Variants in PRKG1 observed in about 807,000 individuals in gnomAD.
The protein encoded by PRKG1 is protein kinase cGMP-dependent 1.
In PRKG1, 35 loss-of-function variants were observed where a neutral mutation model predicts 88.1. The ratio of observed to expected loss-of-function variants is 0.40; its 90% confidence interval spans 0.30 to 0.53. The LOEUF is 0.53. PRKG1 is among the 20% of genes least tolerant of loss of function. The pLI is 0.59. For missense variants in PRKG1, 540 were observed against 839.8 expected (o/e 0.64, Z 4.41); for synonymous variants, 303 against 292.5 (o/e 1.04, Z -0.37).
intron 9 of PRKG1, among the ~76,000 whole-genome samples, chr10:52,168,356 T>G (rs189627966): frequency 1.5e-3 from 234 of 152,248 alleles, no homozygotes; most frequent in Middle Eastern, 3.4e-3. Flanking sequence ...ATGGAAAGCA[T>G]TCTACATAGA....
At chr10:51,668,145 A>G (rs1302641713) in intron 3 of PRKG1, among the ~76,000 whole-genome samples, 1 of 152,204 alleles carries the variant, frequency 6.6e-6, no homozygotes, top group African/African-American at 2.4e-5. Context: ...AGAATCTGGC[A>G]CAAGAAATTT....
intron 1 of PRKG1, among the ~76,000 whole-genome samples, chr10:51,052,273 A>G (rs1415273835): frequency 6.6e-6 from 1 of 152,192 alleles, no homozygotes; most frequent in African/African-American, 2.4e-5. Context: ...AATATGGCCA[A>G]AGATAATTTT....
chr10:51,076,408 T>G (rs1293982911), intron 1 of PRKG1, among the ~76,000 whole-genome samples: 6 of 152,196 alleles, frequency 3.9e-5, no homozygotes. Context: ...GCCTGACTGT[T>G]TTAGCTAACG....
At chr10:51,395,634 T>C (rs572916930) in intron 2 of PRKG1, among the ~76,000 whole-genome samples, 2 of 152,264 alleles carry the variant, frequency 1.3e-5, no homozygotes, top group East Asian at 3.9e-4. Flanking sequence ...ATTGATCAAA[T>C]AAGCAGAAAA....
chr10:50,991,847 G>T lies in PRKG1; in HGVS notation c.266+203G>T, dbSNP rs1041076610. Among the ~76,000 whole-genome samples the T allele has an allele frequency of 6.6e-6, 1 of 152,156 alleles. No homozygotes were observed. Among genetic ancestry groups the T allele is most frequent in the African/African-American group, 2.4e-5 (1 of 41,438 alleles). ...ATCACGTGCTGTGCTTGTCTCCGCC[G>T]GGCTGGGAAAGGCGAGCTGCACGGG... On this transcript the variant is annotated intron_variant, in intron 1 of 17. Transcript: ENST00000401604. The surrounding 1 kb of genome is among the most constrained non-coding windows in gnomAD (Gnocchi z 4.5).
intron 4 of PRKG1, among the ~76,000 whole-genome samples, chr10:51,856,360 G>A (rs1250326316): frequency 6.6e-6 from 1 of 152,090 alleles, no homozygotes; most frequent in Non-Finnish European, 1.5e-5. Context: ...TTCTAGTTAG[G>A]CAAAGATGTA....
intron 5 of PRKG1, among the ~76,000 whole-genome samples, chr10:52,052,948 A>G (rs1846025379): frequency 6.6e-6 from 1 of 152,216 alleles, no homozygotes; most frequent in Admixed American, 6.5e-5. Flanking sequence ...TGGTTAAATG[A>G]ATACATGAAA....
intron 17 of PRKG1, among the ~76,000 whole-genome samples, chr10:52,292,142 A>T (rs1024390163): frequency 6.6e-6 from 1 of 151,402 alleles, no homozygotes; most frequent in Non-Finnish European, 1.5e-5. Context: ...GTTTGAGTTC[A>T]TTGTAGATTC....
intron 3 of PRKG1, among the ~76,000 whole-genome samples, chr10:51,785,798 TA>T (rs1345905211): frequency 9.9e-5 from 15 of 152,110 alleles, no homozygotes; most frequent in African/African-American, 3.6e-4. Context: ...GATAAGGACA[TA>T]GTATGATTAA....
chr10:51,495,419 A>G (rs188704757), intron 3 of PRKG1, among the ~76,000 whole-genome samples: 1 of 152,178 alleles, frequency 6.6e-6, no homozygotes, highest in East Asian at 1.9e-4. Context: ...ATGACTTTGA[A>G]CTTGAATACT....
intron 3 of PRKG1, among the ~76,000 whole-genome samples, chr10:51,739,169 T>G (rs953640172): frequency 1.3e-5 from 2 of 152,262 alleles, no homozygotes; most frequent in African/African-American, 4.8e-5. Context: ...CTCATCGTAA[T>G]TGCCATGCAT....
At chr10:52,036,711 C>T (rs1469112639) in intron 5 of PRKG1, among the ~76,000 whole-genome samples, 1 of 152,086 alleles carries the variant, frequency 6.6e-6, no homozygotes, top group Non-Finnish European at 1.5e-5. Context: ...GTCAGGGAAG[C>T]AGACAATTTA....
intron 1 of PRKG1, among the ~76,000 whole-genome samples, chr10:51,041,648 G>A (rs1374293256): frequency 6.6e-6 from 1 of 152,102 alleles, no homozygotes; most frequent in Non-Finnish European, 1.5e-5. Flanking sequence ...TGGGACCCCA[G>A]GACTCTACCT....
At chr10:51,147,011 G>T (rs1415728312) in intron 1 of PRKG1, among the ~76,000 whole-genome samples, 1 of 152,112 alleles carries the variant, frequency 6.6e-6, no homozygotes, top group Non-Finnish European at 1.5e-5. Context: ...GATGAACCTG[G>T]AGGACATTGT....
chr10:52,111,251 T>C (rs541885608), intron 7 of PRKG1, among the ~76,000 whole-genome samples: 1 of 152,190 alleles, frequency 6.6e-6, no homozygotes, highest in Admixed American at 6.5e-5. Context: ...CAATTTCACA[T>C]ACATCTTCTT....
intron 2 of PRKG1, among the ~76,000 whole-genome samples, chr10:51,319,489 A>C (rs1323770337): frequency 6.6e-6 from 1 of 152,088 alleles, no homozygotes; most frequent in African/African-American, 2.4e-5. Flanking sequence ...CTGTCAATTT[A>C]TTGTCACTAC....
chr10:51,489,643 A>G (rs1840653665), intron 3 of PRKG1, among the ~76,000 whole-genome samples: 1 of 151,940 alleles, frequency 6.6e-6, no homozygotes, highest in African/African-American at 2.4e-5. Flanking sequence ...TAAACAGGAA[A>G]ATGACATGTG....
intron 5 of PRKG1, among the ~76,000 whole-genome samples, chr10:52,038,944 G>A (rs966213843): frequency 1.3e-5 from 2 of 152,192 alleles, no homozygotes; most frequent in Admixed American, 6.5e-5. Flanking sequence ...TTGGAGAAGA[G>A]AGTAAGAAGA....
intron 9 of PRKG1, among the ~76,000 whole-genome samples, chr10:52,236,745 G>A (rs1455764639): frequency 8.4e-4 from 2 of 2,382 alleles, no homozygotes; most frequent in Admixed American, 9.2e-3. Context: ...GGTACAAGGA[G>A]GAACTGGTAC....
Sources: allele counts gnomAD v4.1 joint callset (sites outside exome capture counted in the v4.1 genomes callset), GRCh38; gene constraint gnomAD v4.1.1; non-coding constraint Gnocchi (gnomAD v3.1); transcripts MANE v1.5; gene names NCBI Gene and HGNC (gene_info 2026-07-23, HGNC 2026-07-21).